MYO7B: variants seen among roughly 807,000 people sequenced by gnomAD.
The protein encoded by MYO7B is myosin VIIB.
In MYO7B, 212 loss-of-function variants were observed where a neutral mutation model predicts 259.7. The ratio of observed to expected loss-of-function variants is 0.82; its 90% CI spans 0.73 to 0.91. The LOEUF is 0.91. MYO7B is among the 40% of genes least tolerant of loss of function. The pLI is 0.00. For synonymous variants in MYO7B, 1,197 were observed against 1,166.4 expected (o/e 1.03, Z -0.54); for missense variants, 2,732 against 2,813.5 (o/e 0.97, Z 0.66).
chr2:127,618,663 G>T (rs1214410930), intron 26 of MYO7B, among the ~76,000 whole-genome samples: 1 of 152,202 alleles, frequency 6.6e-6, no homozygotes, highest in Non-Finnish European at 1.5e-5. Flanking sequence ...CACTCTTTCG[G>T]CCTGCATCAG....
chr2:127,610,305 C>CATAACA (rs560643896), intron 24 of MYO7B, among the ~76,000 whole-genome samples: 1 of 152,150 alleles, frequency 6.6e-6, no homozygotes, highest in Non-Finnish European at 1.5e-5. Context: ...TTCAGATGCA[C>CATAACA]ATAACAATAA....
chr2:127,629,289 G>A (rs755047422), intron 34 of MYO7B, among the ~76,000 whole-genome samples: 1 of 152,194 alleles, frequency 6.6e-6, no homozygotes, highest in African/African-American at 2.4e-5. Context: ...AGATAAGGAA[G>A]GGGTCTAGAG....
At chr2:127,571,279 T>C (rs942763563) in intron 6 of MYO7B, among the ~76,000 whole-genome samples, 1 of 152,098 alleles carries the variant, frequency 6.6e-6, no homozygotes, top group African/African-American at 2.4e-5. Context: ...CCTTCTGATA[T>C]GTGTGGAGCA....
chr2:127,559,056 C>T lies in MYO7B; in HGVS notation c.-23-644C>T, dbSNP rs140624393. 1.3e-3 allele frequency among the ~76,000 whole-genome samples: 204 copies of T among 152,330 alleles called. 1 individual carries two copies. Among genetic ancestry groups the T allele is most frequent in the African/African-American group, 4.2e-3 (174 of 41,576 alleles). On this transcript the variant is annotated intron_variant, in intron 1 of 47. Coordinates refer to ENST00000409816, the MANE Select transcript of MYO7B (RefSeq NM_001393586.1). This position sits in a 1 kb window ranked among gnomAD's most constrained non-coding sequence, Gnocchi z 4.1. ...GCGCAGGGAGGGGAAGCTGCCAACACTCAGTCAGGGTAACTCGGGGTTTCC... is the reference window on the plus strand; with the variant it reads ...GCGCAGGGAGGGGAAGCTGCCAACATTCAGTCAGGGTAACTCGGGGTTTCC...
chr2:127,594,320 T>C (rs577066786), intron 18 of MYO7B, among the ~76,000 whole-genome samples: 1 of 152,332 alleles, frequency 6.6e-6, no homozygotes, highest in South Asian at 2.1e-4. Context: ...GGAAGAGGAA[T>C]AACTGGGAGC....
chr2:127,567,043 G>A (rs1056726676), intron 5 of MYO7B, among the ~76,000 whole-genome samples: 2 of 152,200 alleles, frequency 1.3e-5, no homozygotes, highest in Non-Finnish European at 2.9e-5. Context: ...ACCAGGGACT[G>A]GACTGCCCAG....
In MYO7B at chr2:127,603,510, C is replaced by T. The variant is rs150064048; in HGVS notation, c.2340-2334C>T. ...TGAGCAGTAATAGTTTGAAAGAAATCTTTTTTTCTGAGCAGTAGGTCTCAA... is the reference window on the plus strand; with the variant it reads ...TGAGCAGTAATAGTTTGAAAGAAATTTTTTTTTCTGAGCAGTAGGTCTCAA... On this transcript the variant is annotated intron_variant, in intron 19 of 47. Transcript: ENST00000409816. Among the ~76,000 whole-genome samples the T allele has an allele frequency of 3.4e-4, 52 of 152,242 alleles. No homozygotes were observed. The East Asian group carries it at 9.6e-3, about 28-fold the overall frequency.
intron 40 of MYO7B, 75 bp from the exon 41 acceptor site, chr2:127,634,101 G>C (rs1333006677): frequency 2.4e-6 from 3 of 1,225,832 alleles, no homozygotes; most frequent in Admixed American, 4.9e-5. Flanking sequence ...AAAAGTGCCA[G>C]GCTAGGAAGG....
At chr2:127,538,432 A>T (rs1291632870) in intron 1 of MYO7B, among the ~76,000 whole-genome samples, 7 of 152,214 alleles carry the variant, frequency 4.6e-5, no homozygotes, top group African/African-American at 1.7e-4. Flanking sequence ...TTAAATTTAA[A>T]TAGCCACATG....
At chr2:127,560,433 C>G (rs535628025) in intron 2 of MYO7B, among the ~76,000 whole-genome samples, 1 of 152,262 alleles carries the variant, frequency 6.6e-6, no homozygotes, top group South Asian at 2.1e-4. Context: ...GTCTGAATCA[C>G]CCCTTTGGAC....
In MYO7B at chr2:127,628,494, G is replaced by C; in HGVS notation, c.4583G>C (p.Arg1528Thr). Residue 1528 changes from arginine to threonine, a missense_variant, in exon 34 of 48, where the codon AGG (arginine) becomes ACG (threonine). Physicochemically the swap from Arg to Thr is moderately conservative, Grantham distance 71. Coordinates refer to ENST00000409816, the MANE Select transcript of MYO7B (RefSeq NM_001393586.1). This position sits in a 1 kb window ranked among gnomAD's most constrained non-coding sequence, Gnocchi z 4.8. ...VALFLEGLKE[R>T]SIFAMALQDR... ...CTGTTCCTGGAGGGCCTGAAGGAGAGGTCCATTTTCGCCATGGCCCTGCAG... is the reference window on the plus strand; with the variant it reads ...CTGTTCCTGGAGGGCCTGAAGGAGACGTCCATTTTCGCCATGGCCCTGCAG... 1 of 1,515,152 alleles carries C rather than the reference G, an allele frequency of 6.6e-7. No individual in the cohort carries two copies. The highest frequency in any genetic ancestry group is 8.9e-7 in the Non-Finnish European group (1 of 1,126,210). The allele number at this position is 1,515,152 out of a possible 1,614,324, so 93.9% of individuals were successfully genotyped here.
At position 127,579,783 on chromosome 2, in the gene MYO7B, A is replaced by G. The variant is rs374192989; in HGVS notation, c.1004-963A>G. Among the ~76,000 whole-genome samples, 4 of 152,112 alleles carry G rather than the reference A, an allele frequency of 2.6e-5. No individual in the cohort carries two copies. The East Asian group carries it at 7.7e-4, about 29-fold the overall frequency. ...GTATTTTTAGTAAAGATGGGGTTTC[A>G]CCATATTGGTCAGGCTGGTCTCGAA... On this transcript the variant is annotated intron_variant, in intron 9 of 47. Coordinates refer to ENST00000409816, the MANE Select transcript of MYO7B (RefSeq NM_001393586.1).
chr2:127,582,021 G>A lies in MYO7B; in HGVS notation c.1200+11G>A, dbSNP rs1289013440. ...GACGCCTTTGTCAAGGTACAGAGCT[G>A]AGAGAGCAGGGCTTACATGGCCATC... is the stretch of plus-strand genomic sequence containing the variant. On this transcript the variant is annotated intron_variant, in intron 11 of 47. Coordinates refer to ENST00000409816, the MANE Select transcript of MYO7B (RefSeq NM_001393586.1). 4 of 1,613,582 alleles carry A rather than the reference G, an allele frequency of 2.5e-6. No homozygotes were observed. The Admixed American group carries it at 6.7e-5, about 27-fold the overall frequency.
chr2:127,596,572 C>T lies in MYO7B; in HGVS notation c.2339+16C>T. On this transcript the variant is annotated intron_variant, in intron 19 of 47. Coordinates refer to ENST00000409816, the MANE Select transcript of MYO7B (RefSeq NM_001393586.1). ...ACAGATACAGGTGCCGGCCCCACCC[C>T]AAGGCCCACCCAGCCTACTCCTGCC... 6.3e-7 allele frequency: 1 copy of T among 1,595,134 alleles called. No homozygotes were observed. Among genetic ancestry groups the T allele is most frequent in the East Asian group, 2.3e-5 (1 of 44,176 alleles).
chr2:127,573,948 C>T lies in MYO7B; in HGVS notation c.621C>T (p.Asn207=), dbSNP rs745638930. 30 of 1,613,938 alleles carry T rather than the reference C, an allele frequency of 1.9e-5. No individual in the cohort carries two copies. The highest frequency in any genetic ancestry group is 6.7e-5 in the Admixed American group (4 of 60,018). The change falls in exon 7 of 48, where the codon AAC becomes AAT. Residue 207 remains asparagine, a synonymous_variant. Transcript: ENST00000409816. ...TTGGAAATGCCAAGACAATCCGCAA[C>T]GACAACTCAAGCCGCTTTGGGAAGT... ...EAFGNAKTIR[N]DNSSRFGKYI...
intron 44 of MYO7B, 87 bp downstream of exon 44, chr2:127,635,994 G>A: frequency 1.4e-6 from 2 of 1,461,574 alleles, no homozygotes; most frequent in East Asian, 2.5e-5. Flanking sequence ...TGGGCTCCAA[G>A]ATCACATGGG....
Position 127,590,079 on chromosome 2 carries a change from C to T in MYO7B, c.1855-13C>T. On this transcript the variant is annotated splice_polypyrimidine_tract_variant and intron_variant, in intron 15 of 47. Coordinates refer to ENST00000409816, the MANE Select transcript of MYO7B (RefSeq NM_001393586.1). This position sits in a 1 kb window ranked among gnomAD's most constrained non-coding sequence, Gnocchi z 4.6. ...TCCTGAGACCCACTTGTGCTCTGTG[C>T]TTCCATTCACAGTCTGCAGACTCAA... 1.3e-6 allele frequency: 2 copies of T among 1,564,648 alleles called. No individual in the cohort carries two copies. Among genetic ancestry groups the T allele is most frequent in the South Asian group, 1.2e-5 (1 of 84,960 alleles).
chr2:127,572,021 A>T (rs149480642), intron 6 of MYO7B, among the ~76,000 whole-genome samples: 2 of 151,876 alleles, frequency 1.3e-5, no homozygotes, highest in African/African-American at 4.8e-5. Flanking sequence ...TGTTTTTCCT[A>T]TATGTTTTGT....
At position 127,629,958 on chromosome 2, in the gene MYO7B, C is replaced by T. The variant is rs75076710; in HGVS notation, c.4806+132C>T. 2.1e-3 allele frequency: 1,931 copies of T among 937,536 alleles called. 27 individuals carry two copies. In the African/African-American group the frequency reaches 0.031, roughly 15 times the overall value. 58.1% of individuals were successfully genotyped at this position (937,536 alleles called of 1,614,324 possible). A position where few individuals can be genotyped will look rare whatever the true frequency, so the allele number is the denominator to read the frequency against. On this transcript the variant is annotated intron_variant, in intron 35 of 47. Coordinates refer to ENST00000409816, the MANE Select transcript of MYO7B (RefSeq NM_001393586.1). ...GCAGAGGCCAGGAGGGCCACCCGGGCAGCCCCCACCATTCCTGCGGCAAGG... is the reference window on the plus strand; with the variant it reads ...GCAGAGGCCAGGAGGGCCACCCGGGTAGCCCCCACCATTCCTGCGGCAAGG...
Sources: allele counts gnomAD v4.1 joint callset (sites outside exome capture counted in the v4.1 genomes callset), GRCh38; gene constraint gnomAD v4.1.1; non-coding constraint Gnocchi (gnomAD v3.1); transcripts MANE v1.5; gene names NCBI Gene and HGNC (gene_info 2026-07-23, HGNC 2026-07-21).